Variants in IL34 observed in about 807,000 individuals in gnomAD.
IL34 encodes interleukin 34.
Under a neutral mutation model 25.3 loss-of-function variants are expected in IL34, and 17 were observed. The ratio of observed to expected loss-of-function variants is 0.67; its 90% CI spans 0.46 to 1.01. The LOEUF (loss-of-function observed/expected upper bound fraction) is 1.01. Ranked by LOEUF, IL34 falls within the 50% of genes least tolerant of loss-of-function variation. The pLI is 0.00. For missense variants in IL34, 368 were observed against 312.9 expected (o/e 1.18, Z -1.33); for synonymous variants, 174 against 140.9 (o/e 1.23, Z -1.66).
chr16:70,605,183 C>A (rs184594616), intron 1 of IL34, among the ~76,000 whole-genome samples: 255 of 152,174 alleles, frequency 1.7e-3, no homozygotes, highest in Middle Eastern at 3.4e-3. Context: ...AGAGCCTTGA[C>A]CTGGGAGAGG....
chr16:70,587,729 A>C (rs2050711108), intron 1 of IL34, among the ~76,000 whole-genome samples: 1 of 151,366 alleles, frequency 6.6e-6, no homozygotes, highest in Admixed American at 6.6e-5. Flanking sequence ...GATGGCTGCT[A>C]TCAAAAAAAA....
At chr16:70,594,427 T>C (rs2050793055) in intron 1 of IL34, among the ~76,000 whole-genome samples, 1 of 152,152 alleles carries the variant, frequency 6.6e-6, no homozygotes, top group Non-Finnish European at 1.5e-5. Flanking sequence ...GTGCATACAG[T>C]AAAAACATTC....
chr16:70,645,503 A>G (rs1269959701), upstream of IL34, among the ~76,000 whole-genome samples: 1 of 152,240 alleles, frequency 6.6e-6, no homozygotes, highest in Non-Finnish European at 1.5e-5. Context: ...CCTGATCTGC[A>G]GAGCAGACAC....
intron 2 of IL34, among the ~76,000 whole-genome samples, chr16:70,655,685 C>T (rs1398354523): frequency 2.0e-5 from 3 of 152,274 alleles, no homozygotes; most frequent in African/African-American, 7.2e-5. Context: ...AGCCACCATG[C>T]CTGACCAATG....
chr16:70,607,723 C>T (rs2051028343), intron 1 of IL34, among the ~76,000 whole-genome samples: 1 of 151,928 alleles, frequency 6.6e-6, no homozygotes, highest in Non-Finnish European at 1.5e-5. Flanking sequence ...AGGCTTTCTG[C>T]ATCACTGAGA....
At chr16:70,628,134 T>C (rs1307843227) in intron 1 of IL34, among the ~76,000 whole-genome samples, 3 of 152,240 alleles carry the variant, frequency 2.0e-5, no homozygotes, top group African/African-American at 7.2e-5. Context: ...TTATTCACTC[T>C]AGGGTGTGTG....
At chr16:70,639,692 C>T (rs541698530) in intron 1 of IL34, among the ~76,000 whole-genome samples, 9 of 152,290 alleles carry the variant, frequency 5.9e-5, no homozygotes, top group East Asian at 1.9e-4. Flanking sequence ...TGGTGACTCA[C>T]GCCTCTAATC....
chr16:70,659,669 C>T lies in IL34; in HGVS notation c.454C>T (p.Pro152Ser). The change falls in exon 5 of 6, where the codon CCA becomes TCA. Residue 152 changes from proline (P) to serine (S), a missense_variant. Transcript: ENST00000288098. ...ATCCGTGTTGTCCCTCTTGAATGCC[C>T]CAGGGCCAAACCTGAAGCTGGTGCG... ...VESVLSLLNAPGPNLKLVRPK... is the reference protein window; with the variant it reads ...VESVLSLLNASGPNLKLVRPK... 6.2e-7 allele frequency: 1 copy of T among 1,613,222 alleles called. No individual in the cohort carries two copies. Among genetic ancestry groups the T allele is most frequent in the Non-Finnish European group, 8.5e-7 (1 of 1,179,680 alleles).
At chr16:70,628,469 T>A (rs59275706) in intron 1 of IL34, among the ~76,000 whole-genome samples, 14,518 of 149,886 alleles carry the variant, frequency 0.097, 2,459 homozygotes, top group African/African-American at 0.34. Flanking sequence ...GTGGGTTTGT[T>A]TTTATTTATT....
At chr16:70,582,731 G>A (rs1251497556) in intron 1 of IL34, among the ~76,000 whole-genome samples, 1 of 152,234 alleles carries the variant, frequency 6.6e-6, no homozygotes, top group Non-Finnish European at 1.5e-5. Context: ...AACACTGATT[G>A]GGTTGGCCAG....
At position 70,634,769 on chromosome 16, in the gene IL34, C is replaced by G. The variant is rs535787962; in HGVS notation, c.-400-11779C>G. On this transcript the variant is annotated intron_variant, in intron 1 of 6. Coordinates refer to the IL34 transcript ENST00000429149. ...CCAGCCACCTGGGATAGCCACAGTT[C>G]TGATACCTATCACCATAGATTAGTT... is the stretch of plus-strand genomic sequence containing the variant. Among the ~76,000 whole-genome samples, 20 of 152,064 alleles carry G rather than the reference C, an allele frequency of 1.3e-4. No homozygotes were observed. In the South Asian group the frequency reaches 3.1e-3, roughly 24 times the overall value.
At chr16:70,645,070 AAAGG>A (rs1182503890), upstream of IL34, among the ~76,000 whole-genome samples, 2 of 138,070 alleles carry the variant, frequency 1.4e-5, no homozygotes, top group Non-Finnish European at 3.1e-5. Flanking sequence ...AAGGAAGGAG[AAAGG>A]AAGAGGGAAG....
chr16:70,612,332 G>GGGCTGGA lies in IL34; in HGVS notation c.-401+32287_-401+32288insGGAGGCT, dbSNP rs1225897983. On this transcript the variant is annotated intron_variant, in intron 1 of 6. Transcript: ENST00000429149. Reference sequence around the variant, plus strand: ...GAAAGCACTGGGGGCTGGGGGCTGGGGGCTAGGGGGATCTGCTGGTGAATG... The same window carrying GGGCTGGA: ...GAAAGCACTGGGGGCTGGGGGCTGGGGGCTGGAGGCTAGGGGGATCTGCTGGTGAATG... Among the ~76,000 whole-genome samples the GGGCTGGA allele has an allele frequency of 9.9e-5, 15 of 152,228 alleles. No homozygotes were observed. The South Asian group carries it at 2.1e-3, about 21-fold the overall frequency.
rs576506594 is a variant in IL34, at chr16:70,660,469, G to A, written c.*282G>A. 6 of 353,378 alleles carry A rather than the reference G, an allele frequency of 1.7e-5. No homozygotes were observed. Among genetic ancestry groups the A allele is most frequent in the African/African-American group, 4.2e-5 (2 of 47,706 alleles). 21.9% of individuals were successfully genotyped at this position (353,378 alleles called of 1,614,324 possible). ...CTGGTGCTGCCCTCACTGTCCCCCC[G>A]CCTAAAGGGGGTACTGAGCCTCCTG... On this transcript the variant is annotated 3_prime_UTR_variant, in exon 6 of 6. Coordinates refer to ENST00000288098, the MANE Select transcript of IL34 (RefSeq NM_001393494.1).
At position 70,654,810 on chromosome 16, in the gene IL34, G is replaced by C. The variant is rs571816137; in HGVS notation, c.162+139G>C. 42 of 1,126,682 alleles carry C rather than the reference G, an allele frequency of 3.7e-5. No homozygotes were observed. In the Middle Eastern group the frequency reaches 9.3e-4, roughly 25 times the overall value. 69.8% of individuals were successfully genotyped at this position (1,126,682 alleles called of 1,614,324 possible). On this transcript the variant is annotated intron_variant, in intron 2 of 5. Transcript: ENST00000288098. ...ATGGCCTGTTTCTCTGCCTTTCTCCGAAACCTACCCATGCACCTGGTCTGC... is the reference window on the plus strand; with the variant it reads ...ATGGCCTGTTTCTCTGCCTTTCTCCCAAACCTACCCATGCACCTGGTCTGC...
chr16:70,657,200 G>C lies in IL34; in HGVS notation c.402+79G>C, dbSNP rs181465264. 20 of 1,451,646 alleles carry C rather than the reference G, an allele frequency of 1.4e-5. No individual in the cohort carries two copies. In the African/African-American group the frequency reaches 2.8e-4, roughly 20 times the overall value. The allele number at this position is 1,451,646 out of a possible 1,614,324, so 89.9% of individuals were successfully genotyped here. Reference sequence around the variant, plus strand: ...ACATGTGTGTGAGGTGTGGCCAAAGGCTAGTGAGGGAAAGGGTGAATACAC... The same window carrying C: ...ACATGTGTGTGAGGTGTGGCCAAAGCCTAGTGAGGGAAAGGGTGAATACAC... On this transcript the variant is annotated intron_variant, in intron 4 of 5. Transcript: ENST00000288098.
chr16:70,648,582 A>T (rs1346374325), intron 1 of IL34, among the ~76,000 whole-genome samples: 1 of 147,462 alleles, frequency 6.8e-6, no homozygotes, highest in Admixed American at 6.7e-5. Flanking sequence ...AAAAGGAGAA[A>T]AGAAAAAGAG....
At chr16:70,638,930 G>A (rs562716261) in intron 1 of IL34, among the ~76,000 whole-genome samples, 196 of 152,304 alleles carry the variant, frequency 1.3e-3, no homozygotes, top group Non-Finnish European at 2.0e-3. Flanking sequence ...AAAAAAGTGA[G>A]TGAATGCAGG....
At chr16:70,659,023 C>T (rs745889607) in intron 4 of IL34, among the ~76,000 whole-genome samples, 8 of 152,132 alleles carry the variant, frequency 5.3e-5, no homozygotes, top group Non-Finnish European at 8.8e-5. Context: ...CTTGTTGTCA[C>T]CCCCTTCCAG....
Sources: allele counts gnomAD v4.1 joint callset (sites outside exome capture counted in the v4.1 genomes callset), GRCh38; gene constraint gnomAD v4.1.1; transcripts MANE v1.5; gene names NCBI Gene and HGNC (gene_info 2026-07-23, HGNC 2026-07-21).